Variants in SNTG2 observed in about 807,000 individuals in gnomAD.
SNTG2 encodes gamma-2-syntrophin.
A neutral mutation model predicts 70.9 loss-of-function variants in SNTG2; 74 were observed. That is an observed-to-expected ratio of 1.04 (90% confidence interval 0.86 to 1.27). The LOEUF (loss-of-function observed/expected upper bound fraction) is 1.27. Among genes scored for constraint, SNTG2 ranks in the 50% most tolerant of loss-of-function variants. The probability of loss-of-function intolerance (pLI) is 0.00; values close to 1 mark genes in which losing one functional copy is unlikely to be tolerated. For missense variants in SNTG2, 717 were observed against 690.7 expected (o/e 1.04, Z -0.43); for synonymous variants, 278 against 273.8 (o/e 1.02, Z -0.15).
At chr2:1,175,228 C>T (rs1399265408) in intron 8 of SNTG2, among the ~76,000 whole-genome samples, 2 of 152,134 alleles carry the variant, frequency 1.3e-5, no homozygotes, top group African/African-American at 4.8e-5. Context: ...TCTGCACTGC[C>T]ACGGCTCACA....
At chr2:1,227,291 A>T (rs1675854719) in intron 9 of SNTG2, among the ~76,000 whole-genome samples, 1 of 152,248 alleles carries the variant, frequency 6.6e-6, no homozygotes, top group African/African-American at 2.4e-5. Context: ...GCAGGAATTG[A>T]GCACCTACTG....
At chr2:1,064,791 C>T (rs1011642624) in intron 1 of SNTG2, among the ~76,000 whole-genome samples, 9 of 152,138 alleles carry the variant, frequency 5.9e-5, no homozygotes, top group African/African-American at 1.2e-4. Context: ...AGAACACACA[C>T]GGCAAACATG....
chr2:951,581 G>A (rs1340962551), intron 1 of SNTG2, among the ~76,000 whole-genome samples: 1 of 152,234 alleles, frequency 6.6e-6, no homozygotes, highest in Non-Finnish European at 1.5e-5. Context: ...GAACCGCTGG[G>A]ACGCCAACTG....
intron 16 of SNTG2, among the ~76,000 whole-genome samples, chr2:1,329,353 C>T: frequency 6.6e-6 from 1 of 152,110 alleles, no homozygotes; most frequent in East Asian, 1.9e-4. Flanking sequence ...TCAAAATGAA[C>T]ACAAATAAAT....
rs549754653 is a variant in SNTG2, at chr2:1,083,414, C to T, written c.73-104C>T. 230 of 1,183,342 alleles carry T rather than the reference C, an allele frequency of 1.9e-4. 4 individuals are homozygous for T. In the South Asian group the frequency reaches 2.6e-3, roughly 14 times the overall value. 73.3% of individuals were successfully genotyped at this position (1,183,342 alleles called of 1,614,324 possible). On this transcript the variant is annotated intron_variant, in intron 1 of 16. Transcript: ENST00000308624. ...GATCTGTGCACACGCGAGCACTACACGTGCATTTTAGGATTGTCTTGAGCA... is the reference window on the plus strand; with the variant it reads ...GATCTGTGCACACGCGAGCACTACATGTGCATTTTAGGATTGTCTTGAGCA...
At chr2:1,215,967 G>A (rs551057369) in intron 9 of SNTG2, among the ~76,000 whole-genome samples, 19 of 152,230 alleles carry the variant, frequency 1.2e-4, no homozygotes, top group East Asian at 3.9e-4. Context: ...ATGGACATTC[G>A]GGTTGGTTCC....
At chr2:1,229,653 G>A (rs1355644306) in intron 9 of SNTG2, among the ~76,000 whole-genome samples, 2 of 152,192 alleles carry the variant, frequency 1.3e-5, no homozygotes, top group Non-Finnish European at 2.9e-5. Context: ...GCAGGGGGCG[G>A]TGTTCATTGG....
At chr2:1,162,676 G>A (rs966904003) in intron 6 of SNTG2, among the ~76,000 whole-genome samples, 46 of 152,086 alleles carry the variant, frequency 3.0e-4, no homozygotes, top group African/African-American at 9.9e-4. Flanking sequence ...GGGTGTCGTC[G>A]CCGTCATGAA....
At chr2:1,104,865 G>A (rs1386741234) in intron 4 of SNTG2, among the ~76,000 whole-genome samples, 2 of 152,280 alleles carry the variant, frequency 1.3e-5, no homozygotes, top group Admixed American at 1.3e-4. Context: ...TTATCCTCAT[G>A]TTCATTGCCT....
intron 1 of SNTG2, among the ~76,000 whole-genome samples, chr2:1,078,687 C>T (rs559874941): frequency 3.3e-5 from 5 of 152,124 alleles, no homozygotes; most frequent in East Asian, 1.9e-4. Context: ...TTAACAGGGC[C>T]GCCCAGCTGT....
chr2:1,285,740 C>G (rs1679737541), intron 14 of SNTG2, among the ~76,000 whole-genome samples: 1 of 152,224 alleles, frequency 6.6e-6, no homozygotes, highest in African/African-American at 2.4e-5. Flanking sequence ...TCTTCTAATA[C>G]CCATTCTGTA....
At chr2:1,053,187 T>C (rs1662172346) in intron 1 of SNTG2, among the ~76,000 whole-genome samples, 1 of 152,208 alleles carries the variant, frequency 6.6e-6, no homozygotes, top group Non-Finnish European at 1.5e-5. Flanking sequence ...CTTCCATTCC[T>C]TCACTGTGCT....
At chr2:1,082,033 G>A (rs1664353763) in intron 1 of SNTG2, among the ~76,000 whole-genome samples, 1 of 152,124 alleles carries the variant, frequency 6.6e-6, no homozygotes, top group Non-Finnish European at 1.5e-5. Flanking sequence ...GAAACCACTT[G>A]GAACCCTCCT....
chr2:1,339,909 G>A (rs1308822667), intron 16 of SNTG2, among the ~76,000 whole-genome samples: 1 of 152,154 alleles, frequency 6.6e-6, no homozygotes, highest in Non-Finnish European at 1.5e-5. Context: ...CAGCACTCCC[G>A]GATCTGCAGA....
intron 6 of SNTG2, among the ~76,000 whole-genome samples, chr2:1,139,233 GTTTCA>G (rs751282133): frequency 1.5e-3 from 224 of 152,066 alleles, no homozygotes; most frequent in Admixed American, 2.0e-3. Context: ...TGTTTGTTTT[GTTTCA>G]TTTTGTTTTT....
chr2:1,088,333 G>A (rs995370494), intron 2 of SNTG2, among the ~76,000 whole-genome samples: 5 of 152,130 alleles, frequency 3.3e-5, no homozygotes, highest in African/African-American at 1.2e-4. Context: ...ACCAGTTTCT[G>A]TGTGCTTCTT....
chr2:1,298,706 T>C (rs747569100), intron 14 of SNTG2, among the ~76,000 whole-genome samples: 32 of 152,174 alleles, frequency 2.1e-4, no homozygotes, highest in Non-Finnish European at 3.8e-4. Context: ...GAGTGTCAAC[T>C]TGATTGGCTT....
chr2:1,111,294 C>A (rs995785822), intron 4 of SNTG2, among the ~76,000 whole-genome samples: 2 of 152,232 alleles, frequency 1.3e-5, no homozygotes, highest in African/African-American at 4.8e-5. Context: ...CTGAAGTGTG[C>A]GTGCTGTGCA....
intron 16 of SNTG2, among the ~76,000 whole-genome samples, chr2:1,354,138 A>T (rs1046624847): frequency 1.8e-4 from 27 of 152,206 alleles, no homozygotes; most frequent in South Asian, 4.1e-4. Flanking sequence ...GTTAAATATT[A>T]AAAAACTTTA....
Sources: gnomAD v4.1 joint callset for allele counts (sites outside exome capture counted in the v4.1 genomes callset) on GRCh38, gnomAD v4.1.1 for gene constraint, MANE v1.5 for transcripts, NCBI Gene and HGNC (gene_info 2026-07-23, HGNC 2026-07-21) for gene names.